The following ADA variants were observed in gnomAD, a reference collection of about 807,000 sequenced individuals.
The protein encoded by ADA is adenosine deaminase.
Under a neutral mutation model 49.0 loss-of-function variants are expected in ADA, and 45 were observed. The observed-to-expected ratio is 0.92, with a 90% CI of 0.72 to 1.18. The LOEUF is 1.18. Among genes scored for constraint, ADA ranks in the 50% most tolerant of loss-of-function variants. The pLI is 0.00. For missense variants in ADA, 445 were observed against 472.5 expected (o/e 0.94, Z 0.54); for synonymous variants, 173 against 184.2 (o/e 0.94, Z 0.49).
At chr20:44,642,695 C>T (rs747034191) in intron 1 of ADA, among the ~76,000 whole-genome samples, 1 of 152,180 alleles carries the variant, frequency 6.6e-6, no homozygotes, top group Non-Finnish European at 1.5e-5. Context: ...AAACCTTTCC[C>T]GGCTGCTGTG....
intron 1 of ADA, among the ~76,000 whole-genome samples, chr20:44,646,871 G>T (rs993813333): frequency 2.6e-5 from 4 of 151,982 alleles, no homozygotes; most frequent in Non-Finnish European, 5.9e-5. Flanking sequence ...AGTGCAGGCA[G>T]ATCTGGGTTC....
chr20:44,625,805 C>T lies in ADA; in HGVS notation c.363-121G>A, dbSNP rs989765987. ...GGAGGACCCTCCTCCCCCACTGACC[C>T]ACTGCCTCAGAGGAAAGACTGGCAG... On this transcript the variant is annotated intron_variant, in intron 4 of 11. Transcript: ENST00000372874. 5.6e-5 allele frequency: 44 copies of T among 792,784 alleles called. 1 individual carries two copies. Among genetic ancestry groups the T allele is most frequent in the Middle Eastern group, 3.0e-4 (1 of 3,316 alleles). 49.1% of individuals were successfully genotyped at this position (792,784 alleles called of 1,614,324 possible). A position where few individuals can be genotyped will look rare whatever the true frequency, so the allele number is the denominator to read the frequency against.
intron 3 of ADA, 120 bp from the exon 4 acceptor site, chr20:44,626,719 C>T: frequency 7.9e-7 from 1 of 1,266,058 alleles, no homozygotes; most frequent in Non-Finnish European, 1.1e-6. Context: ...GACCCAAGCT[C>T]TGGGCATCCA....
intron 9 of ADA, 115 bp downstream of exon 9, chr20:44,622,473 G>A (rs188881828): frequency 3.4e-5 from 44 of 1,281,348 alleles, no homozygotes; most frequent in African/African-American, 3.4e-4. Context: ...CCAGGGTGTC[G>A]AAGAGATTTC....
In ADA at chr20:44,624,184, C is replaced by G; in HGVS notation, c.606+18G>C. ...CTCACCCAGGGCCAGCCTCTCCATT[C>G]CTTCTCACAGGACCCACCTGGTAGG... On this transcript the variant is annotated intron_variant, in intron 6 of 11. Transcript: ENST00000372874. 6.2e-7 allele frequency: 1 copy of G among 1,602,756 alleles called. No individual in the cohort carries two copies. Among genetic ancestry groups the G allele is most frequent in the South Asian group, 1.1e-5 (1 of 89,596 alleles).
At chr20:44,649,745 T>TTC (rs1555848611) in intron 1 of ADA, among the ~76,000 whole-genome samples, 18 of 145,934 alleles carry the variant, frequency 1.2e-4, no homozygotes, top group African/African-American at 4.6e-4. Flanking sequence ...TTTTTTTTTT[T>TTC]TTTTTTTTGA....
At chr20:44,621,782 T>G (rs977784787) in intron 9 of ADA, among the ~76,000 whole-genome samples, 1 of 152,164 alleles carries the variant, frequency 6.6e-6, no homozygotes, top group Non-Finnish European at 1.5e-5. Context: ...AGGCCCTTCT[T>G]GCTCCACCAC....
rs1319968268 is a variant in ADA, at chr20:44,651,603, G to A, written c.5C>T (p.Ala2Val). Reference sequence around the variant, plus strand: ...GGGCTTGTCGAAGGCGGGCGTCTGGGCCATGGTGCCCTCGTGCGCCCCGGC... The same window carrying A: ...GGGCTTGTCGAAGGCGGGCGTCTGGACCATGGTGCCCTCGTGCGCCCCGGC... M[A>V]QTPAFDKPKV... The change falls in exon 1 of 12, where the codon GCC becomes GTC. Residue 2 changes from alanine (A) to valine (V), a missense_variant. Physicochemically the swap from Ala to Val is moderately conservative, Grantham distance 64. Coordinates refer to ENST00000372874, the MANE Select transcript of ADA (RefSeq NM_000022.4). The A allele has an allele frequency of 1.3e-6, 2 of 1,537,468 alleles. No homozygotes were observed. The highest frequency in any genetic ancestry group is 1.4e-5 in the African/African-American group (1 of 72,058).
chr20:44,632,670 A>G (rs1338197743), intron 2 of ADA, among the ~76,000 whole-genome samples: 1 of 152,126 alleles, frequency 6.6e-6, no homozygotes, highest in Non-Finnish European at 1.5e-5. Flanking sequence ...AAGGCTCCTC[A>G]TAGGGCCACC....
intron 1 of ADA, among the ~76,000 whole-genome samples, chr20:44,649,527 C>T (rs2065622155): frequency 6.6e-6 from 1 of 151,974 alleles, no homozygotes; most frequent in Non-Finnish European, 1.5e-5. Context: ...ACACTGAGGT[C>T]CCAATAGGGA....
intron 1 of ADA, among the ~76,000 whole-genome samples, chr20:44,650,988 C>T (rs2065639701): frequency 6.6e-6 from 1 of 152,182 alleles, no homozygotes; most frequent in Non-Finnish European, 1.5e-5. Context: ...CGAGTGAACC[C>T]TGCTAGGGCC....
intron 1 of ADA, among the ~76,000 whole-genome samples, chr20:44,644,768 C>A (rs1050120493): frequency 2.0e-5 from 3 of 152,212 alleles, no homozygotes; most frequent in African/African-American, 7.2e-5. Context: ...CCGCCAGCTC[C>A]GAGGTACACA....
intron 1 of ADA, among the ~76,000 whole-genome samples, chr20:44,651,117 C>T (rs1451800371): frequency 6.6e-6 from 1 of 152,212 alleles, no homozygotes; most frequent in South Asian, 2.1e-4. Context: ...CATCCACAAA[C>T]CTGAGCTCCT....
At chr20:44,621,201 G>A (rs1346597623) in intron 9 of ADA, 54 bp from the exon 10 acceptor site, 1 of 1,611,956 alleles carries the variant, frequency 6.2e-7, no homozygotes, top group Non-Finnish European at 8.5e-7. Context: ...TACATAAATA[G>A]TCAGAACACA....
intron 2 of ADA, among the ~76,000 whole-genome samples, chr20:44,634,522 T>C (rs575417239): frequency 2.5e-4 from 38 of 152,300 alleles, no homozygotes; most frequent in African/African-American, 9.1e-4. Flanking sequence ...CACGGCTCAG[T>C]CTCCTCATCT....
At chr20:44,650,531 G>A (rs549139069) in intron 1 of ADA, among the ~76,000 whole-genome samples, 20 of 151,958 alleles carry the variant, frequency 1.3e-4, no homozygotes, top group Admixed American at 2.6e-4. Flanking sequence ...GGGCTCAAGC[G>A]ATCCTCCCGC....
intron 2 of ADA, among the ~76,000 whole-genome samples, chr20:44,630,751 A>T (rs1432949113): frequency 6.6e-6 from 1 of 152,242 alleles, no homozygotes; most frequent in African/African-American, 2.4e-5. Flanking sequence ...GGCCGGGTGC[A>T]GTGGCTCATA....
chr20:44,627,069 A>G, intron 3 of ADA, among the ~76,000 whole-genome samples: 1 of 151,898 alleles, frequency 6.6e-6, no homozygotes, highest in East Asian at 1.9e-4. Flanking sequence ...CCACCGGAGA[A>G]GACACAGGCC....
At chr20:44,622,057 T>C (rs2065337065) in intron 9 of ADA, among the ~76,000 whole-genome samples, 1 of 152,190 alleles carries the variant, frequency 6.6e-6, no homozygotes, top group Admixed American at 6.5e-5. Context: ...AGGCGGCTTT[T>C]TCCTAAGGCC....
Sources: gnomAD v4.1 joint callset for allele counts (sites outside exome capture counted in the v4.1 genomes callset) on GRCh38, gnomAD v4.1.1 for gene constraint, MANE v1.5 for transcripts, NCBI Gene and HGNC (gene_info 2026-07-23, HGNC 2026-07-21) for gene names.